SLC9C1: variants seen among roughly 807,000 people sequenced by gnomAD.
SLC9C1 encodes sodium/hydrogen exchanger 10.
A neutral mutation model predicts 140.9 loss-of-function variants in SLC9C1; 97 were observed. The observed-to-expected ratio is 0.69, with a 90% CI of 0.58 to 0.82. SLC9C1 has a LOEUF of 0.82. Ranked by LOEUF, SLC9C1 falls within the 40% of genes least tolerant of loss-of-function variation. The pLI is 0.00. For missense variants in SLC9C1, 1,340 were observed against 1,389.3 expected (o/e 0.96, Z 0.56); for synonymous variants, 440 against 442.6 (o/e 0.99, Z 0.07).
At chr3:112,218,030 CTT>C (rs2078432798) in intron 14 of SLC9C1, among the ~76,000 whole-genome samples, 1 of 152,154 alleles carries the variant, frequency 6.6e-6, no homozygotes, top group African/African-American at 2.4e-5. Flanking sequence ...CTTCCCATCT[CTT>C]TGTCTTCACC....
At chr3:112,171,722 C>T (rs2077250769) in intron 23 of SLC9C1, among the ~76,000 whole-genome samples, 1 of 152,140 alleles carries the variant, frequency 6.6e-6, no homozygotes, top group African/African-American at 2.4e-5. Flanking sequence ...CCTATGTTTT[C>T]TTCTATAATT....
At position 112,141,171 on chromosome 3, in the gene SLC9C1, A is replaced by G. The variant is rs1161393168; in HGVS notation, c.*101T>C. The stretch of plus-strand genomic sequence containing the variant: ...CACCAAGATCATCCACACAGGATCC[A>G]ACCTGAAGTTACTCCTTCTTGATGT... On this transcript the variant is annotated 3_prime_UTR_variant, in exon 29 of 29. Coordinates refer to ENST00000305815, the MANE Select transcript of SLC9C1 (RefSeq NM_183061.3). 3.2e-6 allele frequency: 4 copies of G among 1,269,460 alleles called. No individual in the cohort carries two copies. The highest frequency in any genetic ancestry group is 4.2e-6 in the Non-Finnish European group (4 of 950,626). 78.6% of individuals were successfully genotyped at this position (1,269,460 alleles called of 1,614,324 possible).
Position 112,280,842 on chromosome 3 carries a change from T to C in SLC9C1, c.89-59A>G, listed in dbSNP as rs2080337848. The C allele has an allele frequency of 3.5e-6, 5 of 1,437,492 alleles. No individual in the cohort carries two copies. In the Admixed American group the frequency reaches 7.8e-5, roughly 22 times the overall value. 89.0% of individuals were successfully genotyped at this position (1,437,492 alleles called of 1,614,324 possible). On this transcript the variant is annotated intron_variant, in intron 2 of 28. Coordinates refer to ENST00000305815, the MANE Select transcript of SLC9C1 (RefSeq NM_183061.3). The stretch of plus-strand genomic sequence containing the variant: ...AGATATCTCATTTATAGAACTTTAA[T>C]GTGACATGATTTCTTAAAATTGTGA...
chr3:112,251,874 C>A (rs1312958447), intron 10 of SLC9C1, among the ~76,000 whole-genome samples: 3 of 152,178 alleles, frequency 2.0e-5, no homozygotes, highest in Non-Finnish European at 4.4e-5. Flanking sequence ...CTTTGCAACT[C>A]TTGGGTCAGC....
chr3:112,255,456 A>C (rs2079578649), intron 10 of SLC9C1, among the ~76,000 whole-genome samples: 1 of 152,168 alleles, frequency 6.6e-6, no homozygotes, highest in African/African-American at 2.4e-5. Flanking sequence ...ATTACATGGA[A>C]ATTAAACAAC....
intron 13 of SLC9C1, among the ~76,000 whole-genome samples, chr3:112,224,818 A>AGAGAAAGG (rs980603655): frequency 6.6e-6 from 1 of 151,954 alleles, no homozygotes; most frequent in African/African-American, 2.4e-5. Context: ...AGAGAGAAAG[A>AGAGAAAGG]GAGAAAGAAA....
intron 10 of SLC9C1, among the ~76,000 whole-genome samples, chr3:112,251,724 T>A (rs2079462789): frequency 6.6e-6 from 1 of 152,006 alleles, no homozygotes; most frequent in Non-Finnish European, 1.5e-5. Flanking sequence ...TTCATAGCCT[T>A]AGCCATTGTT....
chr3:112,188,463 C>T lies in SLC9C1; in HGVS notation c.2524-6205G>A, dbSNP rs950999982. On this transcript the variant is annotated intron_variant, in intron 20 of 28. Transcript: ENST00000305815. ...AAGTGTTCTCATTGTTCAATTCCCA[C>T]CTATAAGTGAGAACATGCAGCGTTT... 5.3e-5 allele frequency among the ~76,000 whole-genome samples: 8 copies of T among 151,346 alleles called. No individual in the cohort carries two copies. The East Asian group carries it at 1.4e-3, about 26-fold the overall frequency.
intron 28 of SLC9C1, among the ~76,000 whole-genome samples, chr3:112,150,838 ATATTT>A (rs1281272902): frequency 0.059 from 3,403 of 58,028 alleles, 92 homozygotes; most frequent in Middle Eastern, 0.07. Context: ...ATATATATAT[ATATTT>A]TTTTTTTTTT....
intron 2 of SLC9C1, among the ~76,000 whole-genome samples, chr3:112,282,728 A>T (rs891864403): frequency 6.6e-6 from 1 of 152,212 alleles, no homozygotes; most frequent in Non-Finnish European, 1.5e-5. Flanking sequence ...CGGATGGACT[A>T]AATAGCTGGT....
At chr3:112,156,661 C>T (rs2075135775) in intron 26 of SLC9C1, among the ~76,000 whole-genome samples, 1 of 151,676 alleles carries the variant, frequency 6.6e-6, no homozygotes, top group Admixed American at 6.6e-5. Flanking sequence ...ACAGGTGTTC[C>T]CCTTTCTTGG....
chr3:112,243,539 C>A (rs2079193487), intron 11 of SLC9C1, among the ~76,000 whole-genome samples: 1 of 152,022 alleles, frequency 6.6e-6, no homozygotes, highest in African/African-American at 2.4e-5. Flanking sequence ...GAAAAGCTAC[C>A]TTTTGGGTAC....
intron 10 of SLC9C1, among the ~76,000 whole-genome samples, chr3:112,249,218 A>G: frequency 6.6e-6 from 1 of 151,302 alleles, no homozygotes; most frequent in Non-Finnish European, 1.5e-5. Flanking sequence ...ACATGATTCC[A>G]GTTTTTAGTT....
intron 26 of SLC9C1, among the ~76,000 whole-genome samples, chr3:112,162,121 G>T (rs1463034393): frequency 1.3e-5 from 2 of 152,028 alleles, no homozygotes; most frequent in African/African-American, 2.4e-5. Flanking sequence ...CATTGATTTT[G>T]TATCCTGAGA....
intron 18 of SLC9C1, among the ~76,000 whole-genome samples, chr3:112,201,407 T>C (rs981099946): frequency 6.6e-6 from 1 of 151,994 alleles, no homozygotes; most frequent in Non-Finnish European, 1.5e-5. Flanking sequence ...CATAAGAAAA[T>C]AGTTTTAAAG....
chr3:112,213,166 T>G (rs2078256303), intron 15 of SLC9C1, among the ~76,000 whole-genome samples: 1 of 152,326 alleles, frequency 6.6e-6, no homozygotes, highest in Non-Finnish European at 1.5e-5. Context: ...TGAGAGACTT[T>G]GTCACCACCA....
chr3:112,176,874 T>C (rs949864487), intron 23 of SLC9C1, among the ~76,000 whole-genome samples: 1 of 152,192 alleles, frequency 6.6e-6, no homozygotes, highest in Admixed American at 6.5e-5. Context: ...AGCCTTCTTC[T>C]AGGTCATGAT....
intron 10 of SLC9C1, among the ~76,000 whole-genome samples, chr3:112,248,901 T>G (rs1472229110): frequency 6.6e-6 from 1 of 152,196 alleles, no homozygotes; most frequent in East Asian, 1.9e-4. Flanking sequence ...CACACAAAGA[T>G]AGTTTTACTT....
intron 13 of SLC9C1, among the ~76,000 whole-genome samples, chr3:112,223,741 C>A (rs902330669): frequency 6.6e-6 from 1 of 152,066 alleles, no homozygotes; most frequent in South Asian, 2.1e-4. Context: ...CTCAAATACT[C>A]CAAAAAGGTT....
Sources: allele counts gnomAD v4.1 joint callset (sites outside exome capture counted in the v4.1 genomes callset), GRCh38; gene constraint gnomAD v4.1.1; transcripts MANE v1.5; gene names NCBI Gene and HGNC (gene_info 2026-07-23, HGNC 2026-07-21).